The following ATIC variants were observed in gnomAD, a reference collection of about 807,000 sequenced individuals.
The protein encoded by ATIC is bifunctional purine biosynthesis protein ATIC.
Under a neutral mutation model 72.5 loss-of-function variants are expected in ATIC, and 64 were observed. The observed-to-expected ratio is 0.88, with a 90% CI of 0.72 to 1.09. The LOEUF is 1.09. Among genes scored for constraint, ATIC ranks in the 50% least tolerant of loss-of-function variants. The pLI, the probability that ATIC is intolerant of heterozygous loss-of-function variation, is 0.00. For missense variants in ATIC, 787 were observed against 732.4 expected (o/e 1.07, Z -0.86); for synonymous variants, 281 against 267.1 (o/e 1.05, Z -0.51).
At chr2:215,352,095 G>A (rs925873816), downstream of ATIC, among the ~76,000 whole-genome samples, 3 of 152,174 alleles carry the variant, frequency 2.0e-5, no homozygotes, top group African/African-American at 7.2e-5. Context: ...AGTAAATGCA[G>A]TGTGGTGTCC....
chr2:215,359,776 A>ATTTAG, the ATIC span, among the ~76,000 whole-genome samples: 1 of 151,740 alleles, frequency 6.6e-6, no homozygotes, highest in Non-Finnish European at 1.5e-5. Context: ...ATCTTTCTGT[A>ATTTAG]TTTAGTTTTA....
chr2:215,312,107 T>C lies in ATIC; in HGVS notation c.-36T>C. 1.3e-6 allele frequency: 2 copies of C among 1,530,544 alleles called. No individual in the cohort carries two copies. The highest frequency in any genetic ancestry group is 1.2e-5 in the South Asian group (1 of 83,274). The allele number at this position is 1,530,544 out of a possible 1,614,324, so 94.8% of individuals were successfully genotyped here. On this transcript the variant is annotated 5_prime_UTR_variant, in exon 1 of 16. Coordinates refer to ENST00000236959, the MANE Select transcript of ATIC (RefSeq NM_004044.7). ...CCTGCGCACGTGGTGCCGCCGCTGC[T>C]GCCTCCCGCTCGCCCTGAACCCAGT...
At chr2:215,339,325 C>T (rs761032785) in intron 12 of ATIC, among the ~76,000 whole-genome samples, 1 of 152,270 alleles carries the variant, frequency 6.6e-6, no homozygotes, top group Non-Finnish European at 1.5e-5. Context: ...TAAGACCAGC[C>T]TGACCATGTA....
At chr2:215,359,766 A>G in the ATIC span, among the ~76,000 whole-genome samples, 1 of 152,014 alleles carries the variant, frequency 6.6e-6, no homozygotes, top group Admixed American at 6.6e-5. Context: ...ATGAGGAAGT[A>G]TCTTTCTGTA....
At chr2:215,351,415 G>A (rs1473315399), downstream of ATIC, among the ~76,000 whole-genome samples, 4 of 152,184 alleles carry the variant, frequency 2.6e-5, no homozygotes, top group African/African-American at 9.7e-5. Context: ...TTAAGTGTGT[G>A]TTGTCTTTTT....
the ATIC span, chr2:215,365,514 A>G: frequency 6.2e-7 from 1 of 1,613,978 alleles, no homozygotes; most frequent in Non-Finnish European, 8.5e-7. Flanking sequence ...CGAGGGTCAC[A>G]CTTGAATTCT....
At chr2:215,363,381 AG>A in the ATIC span, 5 of 83,422 alleles carry the variant, frequency 6.0e-5, no homozygotes, top group Non-Finnish European at 1.2e-4. Flanking sequence ...TTAATGGGAG[AG>A]AGAGAGAGAG....
intron 10 of ATIC, among the ~76,000 whole-genome samples, 198 bp downstream of exon 10, chr2:215,335,202 A>C (rs1018142985): frequency 2.0e-5 from 3 of 152,212 alleles, no homozygotes; most frequent in Admixed American, 6.5e-5. Flanking sequence ...TTATTGTTTC[A>C]GATGGATATT....
At chr2:215,359,967 C>A in the ATIC span, among the ~76,000 whole-genome samples, 20,041 of 152,116 alleles carry the variant, frequency 0.13, 1,699 homozygotes, top group South Asian at 0.22. Context: ...GGGATGGAGT[C>A]TTGCTCTGTC....
chr2:215,316,546 G>A (rs2052711763), intron 2 of ATIC, among the ~76,000 whole-genome samples: 1 of 152,150 alleles, frequency 6.6e-6, no homozygotes. Flanking sequence ...CTGTACTCCA[G>A]GCTGGGCAAC....
chr2:215,340,679 C>G (rs1008337287), intron 12 of ATIC, among the ~76,000 whole-genome samples: 1 of 152,100 alleles, frequency 6.6e-6, no homozygotes, highest in Admixed American at 6.5e-5. Context: ...GGAATTTAGC[C>G]TTCAGTCTTT....
At chr2:215,333,201 A>G in intron 8 of ATIC, 149 bp from the exon 9 acceptor site, 2 of 699,748 alleles carry the variant, frequency 2.9e-6, no homozygotes, top group Non-Finnish European at 2.5e-6. Flanking sequence ...GTGTATAATT[A>G]TCTGGCTAAA....
intron 4 of ATIC, among the ~76,000 whole-genome samples, chr2:215,323,211 C>T (rs1313892046): frequency 1.3e-5 from 2 of 152,188 alleles, no homozygotes; most frequent in Non-Finnish European, 2.9e-5. Flanking sequence ...TCCCAAAGTG[C>T]TAGGATTACA....
the ATIC span, among the ~76,000 whole-genome samples, chr2:215,357,863 T>G: frequency 6.6e-6 from 1 of 151,550 alleles, no homozygotes; most frequent in Admixed American, 6.6e-5. Context: ...TTTTTTTTTC[T>G]TAAGAGTTGA....
chr2:215,318,374 T>A, intron 3 of ATIC, 141 bp downstream of exon 3: 2 of 810,310 alleles, frequency 2.5e-6, no homozygotes, highest in Non-Finnish European at 2.1e-6. Context: ...GCTGCCAGAT[T>A]TCATAATACG....
At chr2:215,318,402 T>C (rs1159730666) in intron 3 of ATIC, among the ~76,000 whole-genome samples, 169 bp downstream of exon 3, 1 of 152,240 alleles carries the variant, frequency 6.6e-6, no homozygotes, top group East Asian at 1.9e-4. Flanking sequence ...TGGTTTAAAA[T>C]CCAGCTTGTC....
intron 9 of ATIC, among the ~76,000 whole-genome samples, chr2:215,333,798 T>G (rs2052922699): frequency 6.6e-6 from 1 of 152,100 alleles, no homozygotes; most frequent in Non-Finnish European, 1.5e-5. Flanking sequence ...GTACCAGGAC[T>G]TTGGGAGGCT....
chr2:215,362,369 C>A, the ATIC span: 1 of 420,082 alleles, frequency 2.4e-6, no homozygotes, highest in Non-Finnish European at 4.4e-6. Flanking sequence ...CATTCCAATC[C>A]CAACTTCCTC....
At chr2:215,318,809 T>G (rs1228099249) in intron 3 of ATIC, among the ~76,000 whole-genome samples, 1 of 152,148 alleles carries the variant, frequency 6.6e-6, no homozygotes, top group East Asian at 1.9e-4. Context: ...TAAAATTCCT[T>G]TTACCTTTTT....
Sources: gnomAD v4.1 joint callset for allele counts (sites outside exome capture counted in the v4.1 genomes callset) on GRCh38, gnomAD v4.1.1 for gene constraint, MANE v1.5 for transcripts, NCBI Gene and HGNC (gene_info 2026-07-23, HGNC 2026-07-21) for gene names.